Variants in ATP6V0A2 observed in about 807,000 individuals in gnomAD.
The protein encoded by ATP6V0A2 is ATPase H+ transporting V0 subunit a2, also known as V-type proton ATPase 116 kDa subunit a 2.
In ATP6V0A2, 58 loss-of-function variants were observed where a neutral mutation model predicts 104.4. The ratio of observed to expected loss-of-function variants is 0.56; its 90% CI spans 0.45 to 0.69. ATP6V0A2 has a LOEUF of 0.69. Among genes scored for constraint, ATP6V0A2 ranks in the 30% least tolerant of loss-of-function variants. The pLI is 0.00. For synonymous variants in ATP6V0A2, 376 were observed against 397.9 expected (o/e 0.95, Z 0.65); for missense variants, 938 against 1,062.9 (o/e 0.88, Z 1.63).
Position 123,748,557 on chromosome 12 carries a change from A to G in ATP6V0A2, c.1725-18A>G, listed in dbSNP as rs1044748585. On this transcript the variant is annotated intron_variant, in intron 14 of 19. Coordinates refer to ENST00000330342, the MANE Select transcript of ATP6V0A2 (RefSeq NM_012463.4). Reference sequence around the variant, plus strand: ...GCTGATCTTGTTCGTGGGTTGATTGATTCCTTTTCTTTCCTAGGCACTTCA... The same window carrying G: ...GCTGATCTTGTTCGTGGGTTGATTGGTTCCTTTTCTTTCCTAGGCACTTCA... The G allele has an allele frequency of 3.8e-6, 6 of 1,591,386 alleles. No individual in the cohort carries two copies. Among genetic ancestry groups the G allele is most frequent in the Non-Finnish European group, 4.3e-6 (5 of 1,159,526 alleles).
intron 4 of ATP6V0A2, among the ~76,000 whole-genome samples, chr12:123,725,172 G>A (rs1956437505): frequency 6.6e-6 from 1 of 152,126 alleles, no homozygotes; most frequent in Non-Finnish European, 1.5e-5. Context: ...AGACCCAGTT[G>A]ATCCACCTTC....
Position 123,749,931 on chromosome 12 carries a change from G to C in ATP6V0A2, c.1935+1146G>C, listed in dbSNP as rs371397815. ...TGGAAAGTTTTAAGTCAGATTTGAA[G>C]CTCAACTTAACGGAACTTTGGCCTC... On this transcript the variant is annotated intron_variant, in intron 15 of 19. Coordinates refer to ENST00000330342, the MANE Select transcript of ATP6V0A2 (RefSeq NM_012463.4). 6 of 152,332 alleles carry C rather than the reference G, an allele frequency of 3.9e-5. No individual in the cohort carries two copies. In the South Asian group the frequency reaches 6.2e-4, roughly 16 times the overall value. 9.4% of individuals were successfully genotyped at this position (152,332 alleles called of 1,614,324 possible).
chr12:123,760,714 G>A lies in ATP6V0A2; in HGVS notation c.*2682G>A, dbSNP rs1724461484. 1 of 152,194 alleles carries A rather than the reference G, an allele frequency of 6.6e-6. No homozygotes were observed. Among genetic ancestry groups the A allele is most frequent in the Admixed American group, 6.6e-5 (1 of 15,262 alleles). 9.4% of individuals were successfully genotyped at this position (152,194 alleles called of 1,614,324 possible). On this transcript the variant is annotated 3_prime_UTR_variant, in exon 20 of 20. Coordinates refer to ENST00000330342, the MANE Select transcript of ATP6V0A2 (RefSeq NM_012463.4). ...CTTTGATTCAACCTGCTGGGCTGGA[G>A]ACTGTAATTGCCGTGGTCAGTTAAG...
intron 6 of ATP6V0A2, chr12:123,733,034 T>C (rs1956517608): frequency 6.6e-6 from 1 of 152,146 alleles, no homozygotes; most frequent in African/African-American, 2.4e-5. Context: ...CACTGAGGGC[T>C]GAGCACGGTG....
At chr12:123,747,220 T>C (rs114153442) in intron 13 of ATP6V0A2, among the ~76,000 whole-genome samples, 3,360 of 152,270 alleles carry the variant, frequency 0.022, 104 homozygotes, top group African/African-American at 0.055. Flanking sequence ...TGTAAATGTG[T>C]GATAACACAT....
rs1308437998 is a variant in ATP6V0A2 at position 123,754,518 on chromosome 12, G to A, written c.2274G>A (p.Ala758=). ...CCGCCTCCTACCTGAGGCTCTGGGC[G>A]CTTAGCCTGGCTCACGCACGTAAGT... is the stretch of plus-strand genomic sequence containing the variant. ...SNTASYLRLW[A]LSLAHAQLSD... The change falls in exon 18 of 20, where the codon GCG becomes GCA. Residue 758 remains alanine (A), a synonymous_variant. Transcript: ENST00000330342. 48 of 1,613,930 alleles carry A rather than the reference G, an allele frequency of 3.0e-5. No homozygotes were observed. The highest frequency in any genetic ancestry group is 3.3e-4 in the Middle Eastern group (2 of 6,058).
chr12:123,737,123 G>A lies in ATP6V0A2; in HGVS notation c.890G>A (p.Ser297Asn). ...VLCKAAESVYSRVIQVKKMKA... is the reference protein window; with the variant it reads ...VLCKAAESVYNRVIQVKKMKA... ...TGTAAAGCCGCCGAGTCTGTCTACAGCCGTGTGATCCAGGTGAAGAAAATG... is the reference window on the plus strand; with the variant it reads ...TGTAAAGCCGCCGAGTCTGTCTACAACCGTGTGATCCAGGTGAAGAAAATG... Residue 297 changes from serine to asparagine, a missense_variant, in exon 9 of 20, where the codon AGC (serine) becomes AAC (asparagine). Transcript: ENST00000330342. 1 of 1,614,248 alleles carries A rather than the reference G, an allele frequency of 6.2e-7. No homozygotes were observed. The highest frequency in any genetic ancestry group is 8.5e-7 in the Non-Finnish European group (1 of 1,180,042).
chr12:123,720,366 AGGTATATC>A (rs1956387411), intron 2 of ATP6V0A2, among the ~76,000 whole-genome samples: 2 of 152,236 alleles, frequency 1.3e-5, no homozygotes, highest in Non-Finnish European at 2.9e-5. Flanking sequence ...ATAACACATT[AGGTATATC>A]CAGGACTTCC....
rs532431651 is a variant in ATP6V0A2 at position 123,741,917 on chromosome 12, T to G, written c.1039-1868T>G. Among the ~76,000 whole-genome samples, 5 of 152,330 alleles carry G rather than the reference T, an allele frequency of 3.3e-5. No homozygotes were observed. The South Asian group carries it at 1.0e-3, about 32-fold the overall frequency. ...AACCTCACTGATGGTTTTTTCTTTT[T>G]TTTATTTTTTGTGTACTGAATGCAA... On this transcript the variant is annotated intron_variant, in intron 9 of 19. Coordinates refer to ENST00000330342, the MANE Select transcript of ATP6V0A2 (RefSeq NM_012463.4).
At chr12:123,716,770 G>A (rs938921577) in intron 1 of ATP6V0A2, among the ~76,000 whole-genome samples, 72 of 148,692 alleles carry the variant, frequency 4.8e-4, no homozygotes, top group Non-Finnish European at 9.5e-4. Context: ...CAGCCTAGGC[G>A]ACAGTGAGAT....
intron 1 of ATP6V0A2, among the ~76,000 whole-genome samples, chr12:123,715,627 A>G (rs1956332045): frequency 6.6e-6 from 1 of 152,172 alleles, no homozygotes; most frequent in Non-Finnish European, 1.5e-5. Flanking sequence ...TATACTGTAA[A>G]TTGTTGAAGT....
intron 17 of ATP6V0A2, 25 bp downstream of exon 17, chr12:123,752,427 T>G (rs781503382): frequency 6.2e-7 from 1 of 1,612,748 alleles, no homozygotes; most frequent in South Asian, 1.1e-5. Flanking sequence ...CTGCTATTGA[T>G]AAACTTAGAT....
At position 123,733,498 on chromosome 12, in the gene ATP6V0A2, G is replaced by A. The variant is rs571459555; in HGVS notation, c.649-428G>A. On this transcript the variant is annotated intron_variant, in intron 6 of 19. Transcript: ENST00000330342. ...CATCTCTGTCAGGGACATCACAGCT[G>A]TCTTGTGCTCAGGACACCAGACTGC... is the stretch of plus-strand genomic sequence containing the variant. The A allele has an allele frequency of 1.5e-5, 3 of 204,642 alleles. No individual in the cohort carries two copies. In the East Asian group the frequency reaches 3.9e-4, roughly 27 times the overall value. The allele number at this position is 204,642 out of a possible 1,614,324, so 12.7% of individuals were successfully genotyped here. A position where few individuals can be genotyped will look rare whatever the true frequency, so the allele number is the denominator to read the frequency against.
chr12:123,737,552 G>T (rs1956567576), intron 9 of ATP6V0A2: 1 of 410,146 alleles, frequency 2.4e-6, no homozygotes, highest in Non-Finnish European at 4.6e-6. Context: ...CCCAGCCTTG[G>T]CTCTGTTTTT....
At chr12:123,725,902 T>G (rs544702038) in intron 4 of ATP6V0A2, among the ~76,000 whole-genome samples, 24 of 152,228 alleles carry the variant, frequency 1.6e-4, no homozygotes, top group Non-Finnish European at 3.4e-4. Context: ...CAAACTTAGT[T>G]TCACTTGATA....
chr12:123,720,629 G>A (rs1355284248), intron 2 of ATP6V0A2, among the ~76,000 whole-genome samples: 1 of 152,206 alleles, frequency 6.6e-6, no homozygotes, highest in Non-Finnish European at 1.5e-5. Context: ...AGGAGTTTGA[G>A]GTTATTGTGG....
chr12:123,751,846 T>TTTTC (rs1300763642), intron 16 of ATP6V0A2, among the ~76,000 whole-genome samples: 12 of 144,450 alleles, frequency 8.3e-5, no homozygotes, highest in Admixed American at 2.2e-4. Context: ...TTTTCTTTTC[T>TTTTC]TTTCTTTCTT....
Position 123,758,953 on chromosome 12 carries a change from G to A in ATP6V0A2, c.*921G>A, listed in dbSNP as rs1361724137. 2.6e-5 allele frequency: 4 copies of A among 152,496 alleles called. No homozygotes were observed. Among genetic ancestry groups the A allele is most frequent in the Non-Finnish European group, 5.9e-5 (4 of 68,018 alleles). The allele number at this position is 152,496 out of a possible 1,614,324, so 9.4% of individuals were successfully genotyped here. On this transcript the variant is annotated 3_prime_UTR_variant, in exon 20 of 20. Transcript: ENST00000330342. ...CATACAACAAATGGTTATCCCACTT[G>A]TATATTTTTTTAAAGACTCTTATCC...
rs571286312 is a variant in ATP6V0A2 at position 123,756,897 on chromosome 12, G to A, written c.2376G>A (p.Pro792=). 2.6e-5 allele frequency: 42 copies of A among 1,614,020 alleles called. No individual in the cohort carries two copies. Among genetic ancestry groups the A allele is most frequent in the South Asian group, 3.3e-5 (3 of 91,074 alleles). ...DTTYGVLLLL[P]VIALFAVLTI... ...CCTATGGCGTCTTGCTACTGCTCCC[G>A]GTTATCGCGCTCTTTGCAGTTTTGA... Residue 792 remains proline (P), a synonymous_variant, in exon 19 of 20, where the codon CCG becomes CCA. Coordinates refer to ENST00000330342, the MANE Select transcript of ATP6V0A2 (RefSeq NM_012463.4).
Sources: allele counts gnomAD v4.1 joint callset (sites outside exome capture counted in the v4.1 genomes callset), GRCh38; gene constraint gnomAD v4.1.1; transcripts MANE v1.5; gene names NCBI Gene and HGNC (gene_info 2026-07-23, HGNC 2026-07-21).